The following DNM1 variants were observed in gnomAD, a reference collection of about 807,000 sequenced individuals.
DNM1 encodes dynamin-1.
In DNM1, 29 loss-of-function variants were observed where a neutral mutation model predicts 104.6. The observed-to-expected ratio is 0.28, with a 90% CI of 0.21 to 0.38. The LOEUF (loss-of-function observed/expected upper bound fraction) is 0.38. Ranked by LOEUF, DNM1 falls within the 10% of genes least tolerant of loss-of-function variation. The pLI is 1.00. For missense variants in DNM1, 640 were observed against 1,189.4 expected (o/e 0.54, Z 6.79); for synonymous variants, 445 against 475.8 (o/e 0.94, Z 0.84).
At position 128,219,018 on chromosome 9, in the gene DNM1, C is replaced by A. The variant is rs776155686; in HGVS notation, c.386-31C>A. 2.5e-6 allele frequency: 4 copies of A among 1,611,124 alleles called. No homozygotes were observed. The African/African-American group carries it at 5.3e-5, about 22-fold the overall frequency. Reference sequence around the variant, plus strand: ...CCTCGCCCGCGGCCACGCCCCTCGCCTTGAGCCCGCCCTCTCGCCGCCCTG... The same window carrying A: ...CCTCGCCCGCGGCCACGCCCCTCGCATTGAGCCCGCCCTCTCGCCGCCCTG... On this transcript the variant is annotated intron_variant, in intron 3 of 21. Transcript: ENST00000372923.
chr9:128,230,640 C>T (rs970182567), intron 10 of DNM1, among the ~76,000 whole-genome samples: 33 of 151,382 alleles, frequency 2.2e-4, no homozygotes, highest in African/African-American at 7.8e-4. Flanking sequence ...TTAGTAGAGA[C>T]GAGGTTTTAC....
chr9:128,236,237 C>A (rs961507441), intron 11 of DNM1, among the ~76,000 whole-genome samples: 1 of 152,178 alleles, frequency 6.6e-6, no homozygotes, highest in African/African-American at 2.4e-5. Context: ...CAGGGCCCAT[C>A]GTGGCCCTCA....
rs1835203336 is a variant in DNM1, at chr9:128,224,246, T to C, written c.1197-5T>C. On this transcript the variant is annotated splice_region_variant and splice_polypyrimidine_tract_variant and intron_variant, in intron 9 of 21. Transcript: ENST00000372923. The surrounding 1 kb of genome is among the most constrained non-coding windows in gnomAD (Gnocchi z 4.3). ...CTCTGCCCTTCTCCCGCTCCGGGCG[T>C]TCAGAACGGGGCTGTTTACCCCAGA... is the stretch of plus-strand genomic sequence containing the variant. 1.2e-6 allele frequency: 2 copies of C among 1,612,832 alleles called. No homozygotes were observed. Among genetic ancestry groups the C allele is most frequent in the African/African-American group, 2.7e-5 (2 of 74,872 alleles).
rs1564334472 is a variant in DNM1, at chr9:128,224,415, C to G, written c.1335+26C>G. The G allele has an allele frequency of 1.2e-6, 2 of 1,600,196 alleles. No individual in the cohort carries two copies. The highest frequency in any genetic ancestry group is 8.5e-7 in the Non-Finnish European group (1 of 1,171,604). On this transcript the variant is annotated intron_variant, in intron 10 of 21. Coordinates refer to ENST00000372923, the MANE Select transcript of DNM1 (RefSeq NM_004408.4). This position sits in a 1 kb window ranked among gnomAD's most constrained non-coding sequence, Gnocchi z 4.3. ...GTAACCCGGAGGCCCGGGCCAGCCC[C>G]CACCGCCTCTGCCCCGCCCTGCACT...
At chr9:128,249,795 C>T (rs1353902551) in intron 19 of DNM1, among the ~76,000 whole-genome samples, 1 of 151,858 alleles carries the variant, frequency 6.6e-6, no homozygotes, top group Non-Finnish European at 1.5e-5. Flanking sequence ...CACTGTACTC[C>T]AGCCTGGTGA....
Position 128,219,156 on chromosome 9 carries a change from A to C in DNM1, c.493A>C (p.Thr165Pro). ...QIRDMLMQFVTKENCLILAVS... is the reference protein window; with the variant it reads ...QIRDMLMQFVPKENCLILAVS... Reference sequence around the variant, plus strand: ...CCGAGACATGCTTATGCAGTTTGTCACCAAGGAGAACTGCCTCATCCTGGC... The same window carrying C: ...CCGAGACATGCTTATGCAGTTTGTCCCCAAGGAGAACTGCCTCATCCTGGC... The change falls in exon 4 of 22, where the codon ACC (threonine) becomes CCC (proline). Residue 165 changes from threonine to proline, a missense_variant. By Grantham distance (38) the Thr-to-Pro change is conservative (BLOSUM62 -1). Transcript: ENST00000372923. 1 of 1,614,128 alleles carries C rather than the reference A, an allele frequency of 6.2e-7. No individual in the cohort carries two copies. The highest frequency in any genetic ancestry group is 8.5e-7 in the Non-Finnish European group (1 of 1,180,024).
chr9:128,222,715 G>A lies in DNM1; in HGVS notation c.1129-78G>A. ...CACAGGCCCTGATGCCCAGCCCTAG[G>A]TGTGGGGTGGGCCCTGTCTTGACCT... is the stretch of plus-strand genomic sequence containing the variant. On this transcript the variant is annotated intron_variant, in intron 8 of 21. Transcript: ENST00000372923. This position sits in a 1 kb window ranked among gnomAD's most constrained non-coding sequence, Gnocchi z 7.8. 6.3e-7 allele frequency: 1 copy of A among 1,595,236 alleles called. No homozygotes were observed.
chr9:128,221,083 TTC>T (rs1210034514), intron 6 of DNM1: 1 of 150,662 alleles, frequency 6.6e-6, no homozygotes. Context: ...CTTTCTCTCT[TTC>T]TCTCTTTCTT....
At chr9:128,214,059 AC>A (rs1344710455) in intron 1 of DNM1, among the ~76,000 whole-genome samples, 2 of 150,428 alleles carry the variant, frequency 1.3e-5, no homozygotes, top group African/African-American at 4.9e-5. Flanking sequence ...GCCCCTGCCC[AC>A]CCCCCTTGCC....
Position 128,219,310 on chromosome 9 carries a change from T to C in DNM1, c.589+58T>C, listed in dbSNP as rs1834799837. 2.7e-6 allele frequency: 4 copies of C among 1,480,734 alleles called. No homozygotes were observed. The South Asian group carries it at 4.5e-5, about 17-fold the overall frequency. The allele number at this position is 1,480,734 out of a possible 1,614,324, so 91.7% of individuals were successfully genotyped here. ...CCCCAGGCTTGCAGGCTGTCTATTC[T>C]TAGTGTAAAGGGGAGCCTCTGAACG... is the stretch of plus-strand genomic sequence containing the variant. On this transcript the variant is annotated intron_variant, in intron 4 of 21. Coordinates refer to ENST00000372923, the MANE Select transcript of DNM1 (RefSeq NM_004408.4).
At chr9:128,207,388 G>A (rs1226518233) in intron 1 of DNM1, among the ~76,000 whole-genome samples, 1 of 151,516 alleles carries the variant, frequency 6.6e-6, no homozygotes, top group Non-Finnish European at 1.5e-5. Flanking sequence ...GGGAGTGTTT[G>A]TGGACCCAGC....
chr9:128,253,920 C>A lies in DNM1; in HGVS notation c.2535-734C>A. On this transcript the variant is annotated intron_variant, in intron 21 of 21. Coordinates refer to ENST00000372923, the MANE Select transcript of DNM1 (RefSeq NM_004408.4). This position sits in a 1 kb window ranked among gnomAD's most constrained non-coding sequence, Gnocchi z 5.9. ...TGTGCCATTCAGCCAAGGGGACGAC[C>A]GTGCCTGCTGGCCCAGCTGAGCTCC... is the stretch of plus-strand genomic sequence containing the variant. The A allele has an allele frequency of 8.1e-7, 1 of 1,227,716 alleles. No homozygotes were observed. The highest frequency in any genetic ancestry group is 3.2e-5 in the East Asian group (1 of 31,682). The allele number at this position is 1,227,716 out of a possible 1,614,324, so 76.1% of individuals were successfully genotyped here. A position where few individuals can be genotyped will look rare whatever the true frequency, so the allele number is the denominator to read the frequency against.
chr9:128,242,696 G>T (rs1376554336), intron 15 of DNM1, among the ~76,000 whole-genome samples: 1 of 152,096 alleles, frequency 6.6e-6, no homozygotes, highest in African/African-American at 2.4e-5. Context: ...GGAGGCGGAG[G>T]TTGCAGTGAG....
At position 128,220,761 on chromosome 9, in the gene DNM1, G is replaced by C. The variant is rs1834918238; in HGVS notation, c.849+420G>C. Among the ~76,000 whole-genome samples, 1 of 151,688 alleles carries C rather than the reference G, an allele frequency of 6.6e-6. No individual in the cohort carries two copies. The highest frequency in any genetic ancestry group is 1.5e-5 in the Non-Finnish European group (1 of 67,904). On this transcript the variant is annotated intron_variant, in intron 6 of 21. Transcript: ENST00000372923. This position sits in a 1 kb window ranked among gnomAD's most constrained non-coding sequence, Gnocchi z 5.2. ...CGCGCGCGTGTGTGTGTGTGTGTGTGTGTGTGTCTGTCTGACTGTCTGTCT... is the reference window on the plus strand; with the variant it reads ...CGCGCGCGTGTGTGTGTGTGTGTGTCTGTGTGTCTGTCTGACTGTCTGTCT...
At chr9:128,231,956 G>A (rs765859452) in intron 10 of DNM1, 6 of 455,866 alleles carry the variant, frequency 1.3e-5, no homozygotes, top group South Asian at 7.8e-5. Flanking sequence ...CTCAGCCAAG[G>A]GCTGAGAGGG....
chr9:128,222,905 G>C lies in DNM1; in HGVS notation c.1196+45G>C, dbSNP rs372547129. ...AGGGTGGCTGAACCCCAGAAGTAGG[G>C]GGTCTGGGACAGAGGCACAGGGAGT... is the stretch of plus-strand genomic sequence containing the variant. On this transcript the variant is annotated intron_variant, in intron 9 of 21. Transcript: ENST00000372923. This position sits in a 1 kb window ranked among gnomAD's most constrained non-coding sequence, Gnocchi z 7.8. The C allele has an allele frequency of 1.5e-5, 24 of 1,589,972 alleles. No individual in the cohort carries two copies. In the Admixed American group the frequency reaches 3.0e-4, roughly 20 times the overall value.
chr9:128,214,112 C>T (rs923534141), intron 1 of DNM1, among the ~76,000 whole-genome samples: 1 of 152,090 alleles, frequency 6.6e-6, no homozygotes, highest in Non-Finnish European at 1.5e-5. Flanking sequence ...ATATCCTGCC[C>T]TCACCCCCAA....
intron 1 of DNM1, among the ~76,000 whole-genome samples, chr9:128,214,121 A>G (rs934931089): frequency 1.3e-5 from 2 of 150,910 alleles, no homozygotes; most frequent in Admixed American, 6.6e-5. Flanking sequence ...CCTCACCCCC[A>G]AGCTCACTGC....
chr9:128,253,450 G>A lies in DNM1; in HGVS notation c.2535-1204G>A, dbSNP rs1829653533. 6.7e-6 allele frequency: 3 copies of A among 448,736 alleles called. No homozygotes were observed. The highest frequency in any genetic ancestry group is 2.7e-5 in the South Asian group (1 of 37,274). 27.8% of individuals were successfully genotyped at this position (448,736 alleles called of 1,614,324 possible). On this transcript the variant is annotated intron_variant, in intron 21 of 21. Transcript: ENST00000372923. This position sits in a 1 kb window ranked among gnomAD's most constrained non-coding sequence, Gnocchi z 5.9. ...CCGTCAGAGAGGGCAGAGAGCTCGT[G>A]GTTTATGGTGTAAAGGCTGGGAGCT...
Sources: allele counts gnomAD v4.1 joint callset (sites outside exome capture counted in the v4.1 genomes callset), GRCh38; gene constraint gnomAD v4.1.1; non-coding constraint Gnocchi (gnomAD v3.1); transcripts MANE v1.5; gene names NCBI Gene and HGNC (gene_info 2026-07-23, HGNC 2026-07-21).